Variants in NEBL observed in about 807,000 individuals in gnomAD.
NEBL encodes the protein LIM and SH3 protein 2.
Under a neutral mutation model 140.2 loss-of-function variants are expected in NEBL, and 122 were observed. The observed-to-expected ratio is 0.87, with a 90% CI of 0.75 to 1.01. The LOEUF is 1.01. Ranked by LOEUF, NEBL falls within the 50% of genes least tolerant of loss-of-function variation. The pLI, the probability that NEBL is intolerant of heterozygous loss-of-function variation, is 0.00. For missense variants in NEBL, 1,365 were observed against 1,231.3 expected (o/e 1.11, Z -1.62); for synonymous variants, 436 against 398.9 (o/e 1.09, Z -1.11).
At chr10:20,819,779 C>T (rs1223332907) in intron 19 of NEBL, among the ~76,000 whole-genome samples, 1 of 152,016 alleles carries the variant, frequency 6.6e-6, no homozygotes, top group African/African-American at 2.4e-5. Context: ...GGCTGGAGTG[C>T]AGTGGCGTCA....
At chr10:21,057,284 T>C (rs1183837327) in intron 2 of NEBL, among the ~76,000 whole-genome samples, 1 of 151,962 alleles carries the variant, frequency 6.6e-6, no homozygotes, top group Non-Finnish European at 1.5e-5. Flanking sequence ...CTTTTGGCGG[T>C]AAGGCAGAGT....
chr10:20,851,700 G>A lies in NEBL; in HGVS notation c.1008+845C>T, dbSNP rs369258889. ...CTCGGGAGGCTGAGGCAGGAGAATCGCTTGAACCCAGGAGGCAGAGGTTGC... is the reference window on the plus strand; with the variant it reads ...CTCGGGAGGCTGAGGCAGGAGAATCACTTGAACCCAGGAGGCAGAGGTTGC... On this transcript the variant is annotated intron_variant, in intron 10 of 27. Transcript: ENST00000377122. Among the ~76,000 whole-genome samples the A allele has an allele frequency of 2.8e-4, 43 of 151,914 alleles. No homozygotes were observed. The South Asian group carries it at 5.0e-3, about 18-fold the overall frequency.
intron 2 of NEBL, among the ~76,000 whole-genome samples, chr10:21,100,303 T>G (rs539748722): frequency 4.6e-5 from 7 of 152,236 alleles, no homozygotes; most frequent in Non-Finnish European, 1.0e-4. Context: ...ACTGTGTTTC[T>G]TTCATCCCAC....
chr10:21,180,133 T>A (rs1329300260), intron 3 of NEBL, among the ~76,000 whole-genome samples: 2 of 150,162 alleles, frequency 1.3e-5, no homozygotes, highest in African/African-American at 2.5e-5. Context: ...TGAGACTCGG[T>A]CTCAGAAAAA....
At chr10:21,197,660 A>G (rs1372236990) in intron 3 of NEBL, among the ~76,000 whole-genome samples, 1 of 152,114 alleles carries the variant, frequency 6.6e-6, no homozygotes, top group East Asian at 1.9e-4. Flanking sequence ...CTCTTTGGGG[A>G]CCATTCTCCT....
At chr10:21,080,351 A>G (rs770003110) in intron 2 of NEBL, among the ~76,000 whole-genome samples, 8 of 152,032 alleles carry the variant, frequency 5.3e-5, no homozygotes, top group African/African-American at 9.7e-5. Flanking sequence ...TATATTTTTG[A>G]CTCTTCTCAA....
intron 3 of NEBL, among the ~76,000 whole-genome samples, chr10:21,229,803 A>G (rs1316947175): frequency 2.0e-5 from 3 of 152,220 alleles, no homozygotes; most frequent in African/African-American, 7.2e-5. Flanking sequence ...TGTATGTAAA[A>G]TGGGGATAAC....
At chr10:20,792,410 A>G (rs137893238) in intron 26 of NEBL, among the ~76,000 whole-genome samples, 70 of 152,330 alleles carry the variant, frequency 4.6e-4, no homozygotes, top group African/African-American at 1.6e-3. Context: ...AAGAACCCCT[A>G]TTTAGACAAT....
intron 4 of NEBL, among the ~76,000 whole-genome samples, chr10:20,912,411 A>G (rs1366056857): frequency 6.6e-6 from 1 of 152,344 alleles, no homozygotes; most frequent in Admixed American, 6.5e-5. Flanking sequence ...CGATCGTGCC[A>G]CTGCACTCCA....
rs545174526 is a variant in NEBL, at chr10:21,214,544, T to C, written n.348+33377A>G. Among the ~76,000 whole-genome samples, 14 of 150,300 alleles carry C rather than the reference T, an allele frequency of 9.3e-5. No homozygotes were observed. In the East Asian group the frequency reaches 2.5e-3, roughly 27 times the overall value. On this transcript the variant is annotated intron_variant and non_coding_transcript_variant, in intron 3 of 8. Transcript: ENST00000675702. Reference sequence around the variant, plus strand: ...TGCACATTACACACACATACACACATGCACACACATGTGCACACATTACAC... The same window carrying C: ...TGCACATTACACACACATACACACACGCACACACATGTGCACACATTACAC...
intron 1 of NEBL, among the ~76,000 whole-genome samples, chr10:21,263,314 T>C (rs1041538873): frequency 6.6e-6 from 1 of 151,952 alleles, no homozygotes; most frequent in Non-Finnish European, 1.5e-5. Flanking sequence ...GCCAGCAAAT[T>C]GAGAAGATGG....
chr10:20,944,121 G>A (rs565944365), intron 4 of NEBL, among the ~76,000 whole-genome samples: 2 of 152,138 alleles, frequency 1.3e-5, no homozygotes, highest in African/African-American at 2.4e-5. Flanking sequence ...AATATAGGCC[G>A]GGCGCAGTGG....
chr10:20,992,335 T>G (rs1270286823), intron 3 of NEBL, among the ~76,000 whole-genome samples: 1 of 152,204 alleles, frequency 6.6e-6, no homozygotes, highest in African/African-American at 2.4e-5. Flanking sequence ...TATAGATACT[T>G]TCTCAACCGC....
chr10:21,088,684 A>G (rs908647131), intron 2 of NEBL, among the ~76,000 whole-genome samples: 1 of 152,210 alleles, frequency 6.6e-6, no homozygotes, highest in Admixed American at 6.5e-5. Flanking sequence ...AGATGCACAC[A>G]TTAGCAGCAA....
At chr10:20,811,471 T>C (rs1419309689) in intron 24 of NEBL, among the ~76,000 whole-genome samples, 1 of 152,206 alleles carries the variant, frequency 6.6e-6, no homozygotes. Flanking sequence ...TGGTGTCACA[T>C]TGAATGAAAA....
chr10:21,136,151 G>C (rs1249633492), intron 2 of NEBL, among the ~76,000 whole-genome samples: 2 of 152,072 alleles, frequency 1.3e-5, no homozygotes, highest in African/African-American at 4.8e-5. Flanking sequence ...CACAAGTTTG[G>C]TCCTCAAGGC....
intron 4 of NEBL, among the ~76,000 whole-genome samples, chr10:20,882,007 C>T (rs1057083485): frequency 6.6e-6 from 1 of 152,062 alleles, no homozygotes; most frequent in African/African-American, 2.4e-5. Flanking sequence ...GTGAGGCTCC[C>T]ATCTCTACTA....
At chr10:20,886,955 G>C (rs773583833) in intron 4 of NEBL, among the ~76,000 whole-genome samples, 7 of 152,106 alleles carry the variant, frequency 4.6e-5, no homozygotes, top group Non-Finnish European at 1.0e-4. Flanking sequence ...TATGTGCCAG[G>C]AACTCTTCCG....
chr10:21,126,702 G>T (rs774127072), intron 2 of NEBL, among the ~76,000 whole-genome samples: 1 of 151,974 alleles, frequency 6.6e-6, no homozygotes, highest in Non-Finnish European at 1.5e-5. Flanking sequence ...GGCCAGGTGC[G>T]GTGGCTCATG....
Sources: allele counts gnomAD v4.1 joint callset (sites outside exome capture counted in the v4.1 genomes callset), GRCh38; gene constraint gnomAD v4.1.1; transcripts MANE v1.5; gene names NCBI Gene and HGNC (gene_info 2026-07-23, HGNC 2026-07-21).